The following LRP2 variants were observed in gnomAD, a reference collection of about 807,000 sequenced individuals.
LRP2 encodes the protein LDL receptor related protein 2, also known as low-density lipoprotein receptor-related protein 2.
LRP2 carries 172 observed loss-of-function variants against 531.0 expected under a neutral mutation model. The observed-to-expected ratio is 0.32, with a 90% CI of 0.29 to 0.37. The LOEUF (loss-of-function observed/expected upper bound fraction) is 0.37. Ranked by LOEUF, LRP2 falls within the 10% of genes least tolerant of loss-of-function variation. The pLI is 1.00. For synonymous variants in LRP2, 1,992 were observed against 2,027.6 expected (o/e 0.98, Z 0.47); for missense variants, 5,167 against 5,868.3 (o/e 0.88, Z 3.90).
chr2:169,297,479 CA>C (rs1364823246), intron 4 of LRP2, among the ~76,000 whole-genome samples: 1 of 152,130 alleles, frequency 6.6e-6, no homozygotes, highest in Admixed American at 6.6e-5. Context: ...GAAAGATCAA[CA>C]AGTAGCTATA....
intron 44 of LRP2, 78 bp from the exon 45 acceptor site, chr2:169,198,989 T>C (rs1688098099): frequency 3.3e-6 from 5 of 1,493,406 alleles, no homozygotes; most frequent in Non-Finnish European, 4.6e-6. Flanking sequence ...TGCTAACACA[T>C]CTATTGTGGA....
intron 10 of LRP2, among the ~76,000 whole-genome samples, chr2:169,281,612 G>A (rs185251884): frequency 2.6e-3 from 399 of 150,886 alleles, no homozygotes; most frequent in African/African-American, 9.2e-3. Flanking sequence ...CCAGCTACTC[G>A]GGAGGCTGAG....
chr2:169,211,790 G>C (rs1459083768), intron 37 of LRP2, among the ~76,000 whole-genome samples, 178 bp downstream of exon 37: 1 of 152,198 alleles, frequency 6.6e-6, no homozygotes, highest in African/African-American at 2.4e-5. Context: ...AGCCCTCCAG[G>C]TGATTCTGAG....
chr2:169,173,844 C>T (rs1358093245), intron 56 of LRP2, 75 bp downstream of exon 56: 2 of 1,594,476 alleles, frequency 1.3e-6, no homozygotes, highest in South Asian at 1.1e-5. Flanking sequence ...GCTCCATGTC[C>T]TCTCTCAGTC....
At chr2:169,274,635 C>T (rs953808538) in intron 14 of LRP2, among the ~76,000 whole-genome samples, 1 of 152,034 alleles carries the variant, frequency 6.6e-6, no homozygotes, top group Non-Finnish European at 1.5e-5. Flanking sequence ...AAAATGGACA[C>T]TTAGACATGT....
chr2:169,203,418 C>A (rs958414812), intron 42 of LRP2, among the ~76,000 whole-genome samples: 1 of 152,182 alleles, frequency 6.6e-6, no homozygotes, highest in African/African-American at 2.4e-5. Flanking sequence ...TGAAGTAGGG[C>A]AGCCAAGGCC....
chr2:169,282,091 A>G (rs1487929412), intron 10 of LRP2, among the ~76,000 whole-genome samples: 1 of 152,222 alleles, frequency 6.6e-6, no homozygotes, highest in Non-Finnish European at 1.5e-5. Flanking sequence ...TTGAATTGTT[A>G]AAAATCCGCT....
rs1336582277 is a variant in LRP2, at chr2:169,277,719, C to T, written c.1772+26G>A. 6 of 1,594,208 alleles carry T rather than the reference C, an allele frequency of 3.8e-6. No homozygotes were observed. The African/African-American group carries it at 4.0e-5, about 11-fold the overall frequency. On this transcript the variant is annotated intron_variant, in intron 13 of 78. Transcript: ENST00000649046. Reference sequence around the variant, plus strand: ...GCACTTTCCCTGCAACTTATAAAGCCATAAGCCATAAAAAATACTTCTTAC... The same window carrying T: ...GCACTTTCCCTGCAACTTATAAAGCTATAAGCCATAAAAAATACTTCTTAC...
At chr2:169,327,957 C>T (rs1685149110) in intron 1 of LRP2, among the ~76,000 whole-genome samples, 1 of 104,826 alleles carries the variant, frequency 9.5e-6, no homozygotes, top group African/African-American at 3.5e-5. Flanking sequence ...CCCGCCCGGC[C>T]AGCCGCCCCG....
intron 14 of LRP2, 133 bp from the exon 15 acceptor site, chr2:169,273,200 T>G: frequency 1.1e-6 from 1 of 931,214 alleles, no homozygotes; most frequent in Non-Finnish European, 1.7e-6. Context: ...AAAACATTAC[T>G]ACTGGTTACT....
intron 14 of LRP2, among the ~76,000 whole-genome samples, chr2:169,273,525 C>A (rs183874901): frequency 1.5e-3 from 221 of 152,194 alleles, no homozygotes; most frequent in Non-Finnish European, 2.5e-3. Flanking sequence ...GAGGAGAAAC[C>A]AAGAATCTAA....
chr2:169,162,334 G>A (rs765076690), intron 63 of LRP2, 138 bp downstream of exon 63: 25 of 920,620 alleles, frequency 2.7e-5, no homozygotes, highest in Non-Finnish European at 3.5e-5. Context: ...GTCACAGCTA[G>A]CTATGGGCTT....
intron 3 of LRP2, among the ~76,000 whole-genome samples, chr2:169,317,528 T>C (rs1206399658): frequency 6.6e-6 from 1 of 152,212 alleles, no homozygotes; most frequent in Non-Finnish European, 1.5e-5. Flanking sequence ...ATAATATTTC[T>C]GAGCTGGGAA....
chr2:169,241,171 A>G lies in LRP2; in HGVS notation c.3862T>C (p.Trp1288Arg). 6.2e-7 allele frequency: 1 copy of G among 1,614,152 alleles called. No homozygotes were observed. The highest frequency in any genetic ancestry group is 1.1e-5 in the South Asian group (1 of 91,084). ...CDNGNCIHRA[W>R]LCDRDNDCGD... Reference sequence around the variant, plus strand: ...CAGTCATTGTCCCGATCACAGAGCCATGCCCTGTGGATGCAGTTTCCGTTG... The same window carrying G: ...CAGTCATTGTCCCGATCACAGAGCCGTGCCCTGTGGATGCAGTTTCCGTTG... Residue 1288 changes from tryptophan to arginine, a missense_variant, in exon 25 of 79, where the codon TGG becomes CGG. Around this residue, in one of 6 missense-constraint regions of LRP2, gnomAD observed 2,811 missense variants for 3,058.0 expected, o/e 0.92. Transcript: ENST00000649046.
intron 24 of LRP2, among the ~76,000 whole-genome samples, chr2:169,242,120 C>A (rs1472114098): frequency 6.6e-6 from 1 of 152,164 alleles, no homozygotes; most frequent in East Asian, 1.9e-4. Flanking sequence ...TTTTATTTAA[C>A]TTTTCTTTTT....
intron 41 of LRP2, among the ~76,000 whole-genome samples, chr2:169,204,878 G>A (rs1271254984): frequency 3.3e-5 from 5 of 152,138 alleles, no homozygotes; most frequent in African/African-American, 1.2e-4. Context: ...AGGATGACTG[G>A]AATGTGAGAC....
At chr2:169,333,491 A>G (rs1685319906) in intron 1 of LRP2, among the ~76,000 whole-genome samples, 1 of 127,932 alleles carries the variant, frequency 7.8e-6, no homozygotes, top group South Asian at 2.9e-4. Flanking sequence ...AAAGGAAGGA[A>G]GGAAGGAACG....
intron 19 of LRP2, 55 bp from the exon 20 acceptor site, chr2:169,247,570 A>C: frequency 6.3e-7 from 1 of 1,591,884 alleles, no homozygotes; most frequent in South Asian, 1.1e-5. Flanking sequence ...CTTATAAATA[A>C]ATCACTTGAG....
chr2:169,134,673 C>G (rs1403112700), intron 76 of LRP2, among the ~76,000 whole-genome samples: 1 of 152,210 alleles, frequency 6.6e-6, no homozygotes, highest in East Asian at 1.9e-4. Context: ...AAGTCAAACC[C>G]TCACTCTTGC....
Sources: gnomAD v4.1 joint callset for allele counts (sites outside exome capture counted in the v4.1 genomes callset) on GRCh38, gnomAD v4.1.1 for gene constraint, gnomAD v4.1.1 regional missense constraint, MANE v1.5 for transcripts, NCBI Gene and HGNC (gene_info 2026-07-23, HGNC 2026-07-21) for gene names.